The following CC2D2A variants were observed in gnomAD, a reference collection of about 807,000 sequenced individuals.
CC2D2A encodes coiled-coil and C2 domain-containing protein 2A.
CC2D2A carries 155 observed loss-of-function variants against 212.9 expected under a neutral mutation model. That is an observed-to-expected ratio of 0.73 (90% CI 0.64 to 0.83). The LOEUF is 0.83. Ranked by LOEUF, CC2D2A falls within the 40% of genes least tolerant of loss-of-function variation. The probability of loss-of-function intolerance (pLI) is 0.00; values close to 1 mark genes in which losing one functional copy is unlikely to be tolerated. For missense variants in CC2D2A, 1,856 were observed against 1,956.2 expected (o/e 0.95, Z 0.97); for synonymous variants, 667 against 686.5 (o/e 0.97, Z 0.44).
At chr4:15,552,597 A>G (rs1314097742) in intron 18 of CC2D2A, among the ~76,000 whole-genome samples, 1 of 152,138 alleles carries the variant, frequency 6.6e-6, no homozygotes, top group East Asian at 1.9e-4. Context: ...TCTCTAACAT[A>G]CTAAGTATTT....
intron 6 of CC2D2A, among the ~76,000 whole-genome samples, chr4:15,504,496 A>G (rs74588306): frequency 0.024 from 3,710 of 152,304 alleles, 81 homozygotes; most frequent in South Asian, 0.071. Flanking sequence ...CAGGAGGTTC[A>G]GGTCTTTTAT....
chr4:15,579,396 T>C (rs1321389790), intron 29 of CC2D2A, among the ~76,000 whole-genome samples: 1 of 152,188 alleles, frequency 6.6e-6, no homozygotes, highest in Non-Finnish European at 1.5e-5. Flanking sequence ...CAACCAGTTA[T>C]TTAAAATAAT....
At chr4:15,530,432 C>T (rs573342713) in intron 13 of CC2D2A, among the ~76,000 whole-genome samples, 5 of 152,128 alleles carry the variant, frequency 3.3e-5, no homozygotes, top group Admixed American at 3.3e-4. Flanking sequence ...AAACATATTG[C>T]AGTCTCCTTG....
At chr4:15,478,035 G>A (rs939423967) in intron 2 of CC2D2A, among the ~76,000 whole-genome samples, 2 of 152,028 alleles carry the variant, frequency 1.3e-5, no homozygotes, top group African/African-American at 2.4e-5. Flanking sequence ...TTCACCCAGG[G>A]GCACTTGTGC....
chr4:15,479,274 G>T (rs1385771200), intron 3 of CC2D2A: 1 of 1,537,154 alleles, frequency 6.5e-7, no homozygotes, highest in South Asian at 1.2e-5. Context: ...CCACCTCTCC[G>T]CAGGAGTTCC....
chr4:15,593,109 G>A (rs1024793546), intron 33 of CC2D2A, among the ~76,000 whole-genome samples: 5 of 152,070 alleles, frequency 3.3e-5, no homozygotes, highest in East Asian at 1.9e-4. Flanking sequence ...TTTGATACAC[G>A]GATACCTGAT....
rs756480173 is a variant in CC2D2A at position 15,589,592 on chromosome 4, A to G, written c.4227A>G (p.Ile1409Met). 3 of 1,612,990 alleles carry G rather than the reference A, an allele frequency of 1.9e-6. No individual in the cohort carries two copies. The highest frequency in any genetic ancestry group is 2.5e-6 in the Non-Finnish European group (3 of 1,179,314). The change falls in exon 33 of 37, where the codon ATA becomes ATG. Residue 1409 changes from isoleucine (I) to methionine (M), a missense_variant. Transcript: ENST00000424120. ...VLTWEQGRYLIWNPCSGHFYG... is the reference protein window; with the variant it reads ...VLTWEQGRYLMWNPCSGHFYG... ...CTTGGGAGCAAGGTCGTTATTTAAT[A>G]TGGAATCCCTGCAGTGGACATTTTT...
At chr4:15,537,103 A>G in intron 15 of CC2D2A, 27 bp downstream of exon 15, 1 of 1,608,982 alleles carries the variant, frequency 6.2e-7, no homozygotes, top group Admixed American at 1.7e-5. Context: ...TCAGCCTGGA[A>G]TAGGGCTGGC....
At chr4:15,515,641 T>A (rs933374114) in intron 9 of CC2D2A, among the ~76,000 whole-genome samples, 1 of 152,178 alleles carries the variant, frequency 6.6e-6, no homozygotes, top group African/African-American at 2.4e-5. Context: ...CACTGATGAG[T>A]TACATATTAA....
Position 15,559,865 on chromosome 4 carries a change from C to T in CC2D2A, c.2922+608C>T, listed in dbSNP as rs543501666. 2.2e-3 allele frequency among the ~76,000 whole-genome samples: 329 copies of T among 152,026 alleles called. 2 individuals are homozygous for T. Among genetic ancestry groups the T allele is most frequent in the African/African-American group, 7.6e-3 (314 of 41,468 alleles). ...GAGACAGGGGGCTGGTTGGCTTTGT[C>T]GCCCAGGCTGAAGTGCAGTAGTGTA... On this transcript the variant is annotated intron_variant, in intron 22 of 36. Transcript: ENST00000424120.
intron 33 of CC2D2A, among the ~76,000 whole-genome samples, chr4:15,590,761 T>G (rs945284737): frequency 3.9e-5 from 6 of 152,242 alleles, no homozygotes; most frequent in Non-Finnish European, 8.8e-5. Flanking sequence ...TCTTTTGAGA[T>G]AGTTTCGCTC....
chr4:15,547,334 G>C (rs1030618122), intron 17 of CC2D2A, among the ~76,000 whole-genome samples: 1 of 152,002 alleles, frequency 6.6e-6, no homozygotes, highest in East Asian at 1.9e-4. Flanking sequence ...TTCTCTTCTA[G>C]CTATTTTGAA....
intron 36 of CC2D2A, among the ~76,000 whole-genome samples, 182 bp downstream of exon 36, chr4:15,599,888 TACC>T (rs773663107): frequency 4.6e-5 from 7 of 152,096 alleles, no homozygotes; most frequent in African/African-American, 7.2e-5. Flanking sequence ...AATAGCAAAA[TACC>T]ACCATTTTTC....
At chr4:15,496,569 C>A (rs995367655) in intron 4 of CC2D2A, among the ~76,000 whole-genome samples, 1 of 152,006 alleles carries the variant, frequency 6.6e-6, no homozygotes, top group Non-Finnish European at 1.5e-5. Context: ...GAAAGTCAAA[C>A]TATCTCTCTT....
chr4:15,543,260 A>G (rs192488355), intron 17 of CC2D2A, among the ~76,000 whole-genome samples: 1 of 152,218 alleles, frequency 6.6e-6, no homozygotes, highest in Non-Finnish European at 1.5e-5. Context: ...AATTTGGCTT[A>G]GTCTTGTCAC....
chr4:15,507,341 T>C (rs927065607), intron 6 of CC2D2A, among the ~76,000 whole-genome samples: 2 of 152,180 alleles, frequency 1.3e-5, no homozygotes, highest in Non-Finnish European at 2.9e-5. Context: ...CTTGATATTA[T>C]GATAGATTAT....
At chr4:15,536,580 T>A (rs889719981) in intron 14 of CC2D2A, among the ~76,000 whole-genome samples, 4 of 152,180 alleles carry the variant, frequency 2.6e-5, no homozygotes, top group African/African-American at 9.7e-5. Flanking sequence ...TCCACCACTA[T>A]CAGCTGAGAA....
intron 17 of CC2D2A, among the ~76,000 whole-genome samples, chr4:15,547,149 T>G (rs1718754626): frequency 1.3e-5 from 2 of 152,248 alleles, no homozygotes; most frequent in South Asian, 4.1e-4. Flanking sequence ...CTTTTGTACC[T>G]TTACAATATT....
intron 1 of CC2D2A, among the ~76,000 whole-genome samples, chr4:15,473,831 A>G (rs1033343276): frequency 3.4e-5 from 5 of 149,152 alleles, no homozygotes; most frequent in African/African-American, 1.3e-4. Flanking sequence ...TGAGACTGAG[A>G]AAGGAGTTAA....
Sources: allele counts gnomAD v4.1 joint callset (sites outside exome capture counted in the v4.1 genomes callset), GRCh38; gene constraint gnomAD v4.1.1; transcripts MANE v1.5; gene names NCBI Gene and HGNC (gene_info 2026-07-23, HGNC 2026-07-21).